Variants in SLC25A21 observed in about 807,000 individuals in gnomAD.
SLC25A21 encodes mitochondrial 2-oxodicarboxylate carrier.
SLC25A21 carries 47 observed loss-of-function variants against 43.8 expected under a neutral mutation model. The ratio of observed to expected loss-of-function variants is 1.07; its 90% CI spans 0.85 to 1.37. The LOEUF (loss-of-function observed/expected upper bound fraction) is 1.37. SLC25A21 is among the 40% of genes most tolerant of loss of function. The pLI is 0.00. For missense variants in SLC25A21, 352 were observed against 350.2 expected, an observed-to-expected ratio of 1.00 and a Z score of -0.04; for synonymous variants, 131 against 121.3, an observed-to-expected ratio of 1.08 and a Z score of -0.52.
chr14:37,064,099 A>G (rs545095812), intron 1 of SLC25A21, among the ~76,000 whole-genome samples: 3 of 152,300 alleles, frequency 2.0e-5, no homozygotes, highest in South Asian at 4.1e-4. Flanking sequence ...AGCAGGTGCC[A>G]TCTAATTAAC....
At chr14:36,746,965 T>C (rs1053025522) in intron 3 of SLC25A21, among the ~76,000 whole-genome samples, 40 of 152,058 alleles carry the variant, frequency 2.6e-4, no homozygotes, top group Admixed American at 2.6e-4. Context: ...GTCTGACACA[T>C]AGTAACACCC....
chr14:37,142,472 T>A (rs1374674803), intron 1 of SLC25A21, among the ~76,000 whole-genome samples: 1 of 152,176 alleles, frequency 6.6e-6, no homozygotes, highest in Non-Finnish European at 1.5e-5. Context: ...GCGATTCCCG[T>A]ACCTCAGCCT....
intron 1 of SLC25A21, among the ~76,000 whole-genome samples, chr14:36,970,633 G>A (rs1173699899): frequency 6.6e-6 from 1 of 152,142 alleles, no homozygotes; most frequent in East Asian, 1.9e-4. Context: ...AGCCAGGTTA[G>A]GGTGAACAAA....
chr14:37,056,706 A>G (rs1483395593), intron 1 of SLC25A21, among the ~76,000 whole-genome samples: 2 of 152,146 alleles, frequency 1.3e-5, no homozygotes, highest in Non-Finnish European at 2.9e-5. Flanking sequence ...ACCTCCAACT[A>G]CACACAGACT....
chr14:36,940,765 T>C (rs1455259383), intron 1 of SLC25A21, among the ~76,000 whole-genome samples: 2 of 152,128 alleles, frequency 1.3e-5, no homozygotes, highest in African/African-American at 4.8e-5. Context: ...TGAAGTTGGA[T>C]AGAACTCTGA....
chr14:36,794,110 T>A (rs1887588945), intron 3 of SLC25A21, among the ~76,000 whole-genome samples: 1 of 152,094 alleles, frequency 6.6e-6, no homozygotes, highest in Non-Finnish European at 1.5e-5. Flanking sequence ...ATAAGGCACT[T>A]GCATAGATAA....
At chr14:36,927,146 G>C (rs1892154816) in intron 1 of SLC25A21, among the ~76,000 whole-genome samples, 1 of 152,116 alleles carries the variant, frequency 6.6e-6, no homozygotes, top group Non-Finnish European at 1.5e-5. Context: ...CTCCAGCCTG[G>C]GCAACAGGAC....
At chr14:37,106,899 T>C (rs112817019) in intron 1 of SLC25A21, among the ~76,000 whole-genome samples, 88 of 152,256 alleles carry the variant, frequency 5.8e-4, no homozygotes, top group African/African-American at 2.0e-3. Context: ...TTATGGAAAA[T>C]AGAAAGAACC....
intron 1 of SLC25A21, among the ~76,000 whole-genome samples, chr14:36,957,691 C>T (rs564842550): frequency 8.5e-4 from 129 of 152,244 alleles, no homozygotes; most frequent in African/African-American, 2.9e-3. Context: ...CAAATGCAGC[C>T]GCTGGTGTAA....
At chr14:37,029,423 G>T (rs1298618356) in intron 1 of SLC25A21, among the ~76,000 whole-genome samples, 2 of 152,108 alleles carry the variant, frequency 1.3e-5, no homozygotes, top group Non-Finnish European at 2.9e-5. Context: ...ATAAGTCTTT[G>T]TGAATAGGCA....
chr14:36,791,515 G>A (rs1887483014), intron 3 of SLC25A21, among the ~76,000 whole-genome samples: 1 of 152,202 alleles, frequency 6.6e-6, no homozygotes, highest in African/African-American at 2.4e-5. Context: ...TAGTTGTGTT[G>A]ACAATCACAT....
chr14:36,680,017 A>G lies in SLC25A21; in HGVS notation c.*641T>C. 1 of 854,516 alleles carries G rather than the reference A, an allele frequency of 1.2e-6. No individual in the cohort carries two copies. 52.9% of individuals were successfully genotyped at this position (854,516 alleles called of 1,614,324 possible). On this transcript the variant is annotated 3_prime_UTR_variant, in exon 10 of 10. Coordinates refer to ENST00000331299, the MANE Select transcript of SLC25A21 (RefSeq NM_030631.4). ...AATACCTATTTATTATCTTACAGCA[A>G]TATGAGATATAAAGTAGATGTAGGA...
intron 3 of SLC25A21, among the ~76,000 whole-genome samples, chr14:36,779,609 C>CATACATATATATATAT (rs1886972147): frequency 8.2e-6 from 1 of 122,484 alleles, no homozygotes; most frequent in Non-Finnish European, 1.7e-5. Flanking sequence ...TATGTGTATA[C>CATACATATATATATAT]ATATATATAT....
intron 2 of SLC25A21, among the ~76,000 whole-genome samples, chr14:36,874,130 G>C (rs1005375975): frequency 6.6e-6 from 1 of 152,198 alleles, no homozygotes; most frequent in Non-Finnish European, 1.5e-5. Flanking sequence ...GGTAGAGTAA[G>C]TAACACATCC....
rs181582776 is a variant in SLC25A21, at chr14:36,691,400, G to T, written c.604-6475C>A. On this transcript the variant is annotated intron_variant, in intron 7 of 9. Transcript: ENST00000331299. ...TATGTAAATGAATATTAATATTGATGAAAAATCTATTATGTTATTAAAAAT... is the reference window on the plus strand; with the variant it reads ...TATGTAAATGAATATTAATATTGATTAAAAATCTATTATGTTATTAAAAAT... Among the ~76,000 whole-genome samples, 578 of 152,296 alleles carry T rather than the reference G, an allele frequency of 3.8e-3. 1 individual carries two copies. The highest frequency in any genetic ancestry group is 0.014 in the Middle Eastern group (4 of 294).
intron 7 of SLC25A21, among the ~76,000 whole-genome samples, chr14:36,693,052 G>A (rs1044190001): frequency 1.3e-5 from 2 of 152,342 alleles, no homozygotes; most frequent in East Asian, 3.9e-4. Flanking sequence ...TTGCAACGCA[G>A]TCCTTCATTT....
chr14:36,705,231 G>C (rs1196949177), intron 7 of SLC25A21, among the ~76,000 whole-genome samples: 1 of 151,274 alleles, frequency 6.6e-6, no homozygotes, highest in Non-Finnish European at 1.5e-5. Context: ...ATTTTTAGTA[G>C]AGACAGGGCT....
At chr14:36,861,159 A>G (rs1168128432) in intron 2 of SLC25A21, among the ~76,000 whole-genome samples, 2 of 152,220 alleles carry the variant, frequency 1.3e-5, no homozygotes, top group Non-Finnish European at 2.9e-5. Flanking sequence ...GAATATTCTG[A>G]GAACTAATTG....
intron 1 of SLC25A21, among the ~76,000 whole-genome samples, chr14:36,900,332 T>C (rs1460850996): frequency 1.3e-5 from 2 of 152,048 alleles, no homozygotes; most frequent in African/African-American, 4.8e-5. Flanking sequence ...ATCTCATTGG[T>C]AGAGTTTTAG....
Sources: allele counts gnomAD v4.1 joint callset (sites outside exome capture counted in the v4.1 genomes callset), GRCh38; gene constraint gnomAD v4.1.1; transcripts MANE v1.5; gene names NCBI Gene and HGNC (gene_info 2026-07-23, HGNC 2026-07-21).